SMCHD1: variants seen among roughly 807,000 people sequenced by gnomAD.
The protein encoded by SMCHD1 is structural maintenance of chromosomes flexible hinge domain containing 1.
Under a neutral mutation model 254.7 loss-of-function variants are expected in SMCHD1, and 78 were observed. That is an observed-to-expected ratio of 0.31 (90% CI 0.26 to 0.37). SMCHD1 has a LOEUF of 0.37. SMCHD1 is among the 10% of genes least tolerant of loss of function. SMCHD1 has a pLI of 1.00. For missense variants in SMCHD1, 1,840 were observed against 2,408.1 expected, an observed-to-expected ratio of 0.76 and a Z score of 4.94; for synonymous variants, 766 against 794.9, an observed-to-expected ratio of 0.96 and a Z score of 0.61.
At chr18:2,663,610 C>A (rs527648952) in intron 1 of SMCHD1, among the ~76,000 whole-genome samples, 1 of 152,228 alleles carries the variant, frequency 6.6e-6, no homozygotes, top group Admixed American at 6.5e-5. Context: ...ATAGTTTATT[C>A]TTTCCCCACC....
At chr18:2,800,112 C>T (rs1422089438) in intron 47 of SMCHD1, among the ~76,000 whole-genome samples, 2 of 151,908 alleles carry the variant, frequency 1.3e-5, no homozygotes, top group African/African-American at 4.8e-5. Flanking sequence ...GACAGTCTGC[C>T]TGATTTAGCC....
chr18:2,730,449 C>T lies in SMCHD1; in HGVS notation c.3048+1040C>T, dbSNP rs189634447. On this transcript the variant is annotated intron_variant, in intron 24 of 47. Coordinates refer to ENST00000320876, the MANE Select transcript of SMCHD1 (RefSeq NM_015295.3). ...CCTCCCAAAGTGCTGGGATTACAGG[C>T]GTGAGCCACCGTGCCTGGCCCACAA... Among the ~76,000 whole-genome samples, 255 of 152,272 alleles carry T rather than the reference C, an allele frequency of 1.7e-3. 1 individual carries two copies. The highest frequency in any genetic ancestry group is 6.0e-3 in the African/African-American group (250 of 41,556).
At chr18:2,767,913 A>G (rs1411485742) in intron 37 of SMCHD1, among the ~76,000 whole-genome samples, 3 of 152,142 alleles carry the variant, frequency 2.0e-5, no homozygotes, top group African/African-American at 7.2e-5. Context: ...CTCCTAGGCT[A>G]CAAACCTGTA....
At chr18:2,699,269 T>C (rs1392861751) in intron 10 of SMCHD1, among the ~76,000 whole-genome samples, 1 of 144,392 alleles carries the variant, frequency 6.9e-6, no homozygotes, top group African/African-American at 2.5e-5. Context: ...AGAATAGTGC[T>C]CAACACTATT....
rs566813450 is a variant in SMCHD1 at position 2,763,179 on chromosome 18, G to A, written c.4567-458G>A. ...CCCAAAACATCTTGTTGGGGTAAAC[G>A]GTGCCATAGAATTACTCCAAGGGTC... On this transcript the variant is annotated intron_variant, in intron 36 of 47. Transcript: ENST00000320876. Among the ~76,000 whole-genome samples the A allele has an allele frequency of 2.2e-4, 33 of 152,276 alleles. No homozygotes were observed. The Middle Eastern group carries it at 0.014, about 63-fold the overall frequency.
At chr18:2,724,813 C>A in intron 20 of SMCHD1, 86 bp from the exon 21 acceptor site, 1 of 523,720 alleles carries the variant, frequency 1.9e-6, no homozygotes. Context: ...ACTAGACATG[C>A]CAATGTCACA....
In SMCHD1 at chr18:2,677,246, T is replaced by C. The variant is rs189036489; in HGVS notation, c.638+3101T>C. 2.8e-4 allele frequency among the ~76,000 whole-genome samples: 43 copies of C among 152,350 alleles called. 1 individual carries two copies. In the East Asian group the frequency reaches 7.7e-3, roughly 27 times the overall value. On this transcript the variant is annotated intron_variant, in intron 5 of 47. Coordinates refer to ENST00000320876, the MANE Select transcript of SMCHD1 (RefSeq NM_015295.3). Reference sequence around the variant, plus strand: ...ATAGTTGCTTTACTCCTTATATATCTGTCCCACCATTAGTTTATCTGGTTT... The same window carrying C: ...ATAGTTGCTTTACTCCTTATATATCCGTCCCACCATTAGTTTATCTGGTTT...
In SMCHD1 at chr18:2,772,306, G is replaced by GA; in HGVS notation, c.5115dup (p.Pro1706ThrfsTer2). 2 of 1,608,468 alleles carry GA rather than the reference G, an allele frequency of 1.2e-6. No homozygotes were observed. The highest frequency in any genetic ancestry group is 1.3e-5 in the African/African-American group (1 of 74,616). ...AGCTATCAGAACAAGAAGAACTGAA[G>GA]AAAAAACCTAGAAGATCGTGTACTC... On this transcript the variant is annotated frameshift_variant, in exon 41 of 48. Coordinates refer to ENST00000320876, the MANE Select transcript of SMCHD1 (RefSeq NM_015295.3). LOFTEE classifies it high-confidence loss of function.
chr18:2,700,686 G>GT (rs768136476), intron 11 of SMCHD1, 27 bp downstream of exon 11: 4 of 1,603,236 alleles, frequency 2.5e-6, no homozygotes, highest in East Asian at 2.2e-5. Context: ...CTGAAATTAT[G>GT]TTTTTACAAC....
At chr18:2,670,997 C>T (rs1221598727) in intron 3 of SMCHD1, among the ~76,000 whole-genome samples, 14 of 139,536 alleles carry the variant, frequency 1.0e-4, no homozygotes, top group Non-Finnish European at 2.0e-4. Context: ...AGTGCAATGG[C>T]GTGATCTCGG....
rs919857580 is a variant in SMCHD1, at chr18:2,700,819, T to C, written c.1548T>C (p.Asn516=). Reference sequence around the variant, plus strand: ...GGATATCTGGTGCATTATTCACTAATGACAAATTCCAGGTCAGCACAAATA... The same window carrying C: ...GGATATCTGGTGCATTATTCACTAACGACAAATTCCAGGTCAGCACAAATA... ...YNRISGALFT[N]DKFQVSTNKL... The change falls in exon 12 of 48, where the codon AAT becomes AAC. Residue 516 remains asparagine (N), a synonymous_variant. Transcript: ENST00000320876. 1.1e-5 allele frequency: 17 copies of C among 1,613,556 alleles called. No homozygotes were observed. The highest frequency in any genetic ancestry group is 1.4e-5 in the Non-Finnish European group (17 of 1,179,646).
chr18:2,701,044 T>A, intron 12 of SMCHD1, 126 bp downstream of exon 12: 1 of 696,114 alleles, frequency 1.4e-6, no homozygotes. Context: ...TAAATTTTTT[T>A]ATGAGCAGTC....
chr18:2,801,978 A>G (rs1334154969), intron 47 of SMCHD1, among the ~76,000 whole-genome samples: 1 of 148,088 alleles, frequency 6.8e-6, no homozygotes, highest in African/African-American at 2.5e-5. Flanking sequence ...AAGATTAAAA[A>G]TTAGTTCTGT....
chr18:2,764,535 C>T (rs909230363), intron 37 of SMCHD1, among the ~76,000 whole-genome samples: 1 of 152,138 alleles, frequency 6.6e-6, no homozygotes, highest in Non-Finnish European at 1.5e-5. Flanking sequence ...TAGCTTTCTT[C>T]TATGTATAGT....
In SMCHD1 at chr18:2,748,380, G is replaced by GTGTGTGTA. The variant is rs561439889; in HGVS notation, c.3927+736_3927+737insGTGTATGT. 8.6e-3 allele frequency among the ~76,000 whole-genome samples: 692 copies of GTGTGTGTA among 80,238 alleles called. 77 individuals carry two copies. The highest frequency in any genetic ancestry group is 0.028 in the African/African-American group (412 of 14,556). 52.6% of individuals were successfully genotyped at this position (80,238 alleles called of 152,430 possible). A position where few individuals can be genotyped will look rare whatever the true frequency, so the allele number is the denominator to read the frequency against. ...TGTGTGTGTGTGTGTGTGTGTGTGT[G>GTGTGTGTA]TGTATATAAATTTTTTTTTTTTTTT... On this transcript the variant is annotated intron_variant, in intron 30 of 47. Coordinates refer to ENST00000320876, the MANE Select transcript of SMCHD1 (RefSeq NM_015295.3).
intron 37 of SMCHD1, among the ~76,000 whole-genome samples, chr18:2,767,677 C>A (rs1265773175): frequency 6.7e-6 from 1 of 150,176 alleles, no homozygotes; most frequent in Non-Finnish European, 1.5e-5. Context: ...GCAACCTCCG[C>A]CTCCTGGGTT....
In SMCHD1 at chr18:2,655,948, C is replaced by G. The variant is rs1054749757; in HGVS notation, c.-128C>G. Reference sequence around the variant, plus strand: ...CTCGGCCGCCGCCGCTGACGAGGAGCTGCAGCGCGCCGGGCCGAGGCCTCG... The same window carrying G: ...CTCGGCCGCCGCCGCTGACGAGGAGGTGCAGCGCGCCGGGCCGAGGCCTCG... On this transcript the variant is annotated 5_prime_UTR_variant, in exon 1 of 48. Coordinates refer to ENST00000320876, the MANE Select transcript of SMCHD1 (RefSeq NM_015295.3). The G allele has an allele frequency of 6.3e-5, 41 of 655,146 alleles. No homozygotes were observed. The highest frequency in any genetic ancestry group is 8.6e-5 in the Non-Finnish European group (40 of 463,642). The allele number at this position is 655,146 out of a possible 1,614,324, so 40.6% of individuals were successfully genotyped here.
intron 44 of SMCHD1, among the ~76,000 whole-genome samples, chr18:2,780,152 T>G (rs1250673061): frequency 1.4e-5 from 2 of 139,384 alleles, no homozygotes; most frequent in African/African-American, 2.7e-5. Context: ...GGCAGGAGAA[T>G]CACTTGATCC....
intron 25 of SMCHD1, among the ~76,000 whole-genome samples, chr18:2,734,170 A>G (rs72864655): frequency 1.0e-3 from 155 of 152,318 alleles, no homozygotes; most frequent in Non-Finnish European, 1.9e-3. Context: ...TGAGATAGAA[A>G]TAATTCTGAT....
Sources: allele counts gnomAD v4.1 joint callset (sites outside exome capture counted in the v4.1 genomes callset), GRCh38; gene constraint gnomAD v4.1.1; transcripts MANE v1.5; gene names NCBI Gene and HGNC (gene_info 2026-07-23, HGNC 2026-07-21).